The following DNAJC13 variants were observed in gnomAD, a reference collection of about 807,000 sequenced individuals.
DNAJC13 encodes the protein DnaJ heat shock protein family (Hsp40) member C13, also known as dnaJ homolog subfamily C member 13.
Under a neutral mutation model 290.5 loss-of-function variants are expected in DNAJC13, and 75 were observed. The ratio of observed to expected loss-of-function variants is 0.26; its 90% CI spans 0.21 to 0.31. The LOEUF is 0.31. DNAJC13 is among the 10% of genes least tolerant of loss of function. DNAJC13 has a pLI of 1.00. For synonymous variants in DNAJC13, 862 were observed against 892.0 expected (o/e 0.97, Z 0.60); for missense variants, 2,260 against 2,674.5 (o/e 0.85, Z 3.42).
At chr3:132,510,212 A>G (rs1395593746) in intron 43 of DNAJC13, among the ~76,000 whole-genome samples, 1 of 152,154 alleles carries the variant, frequency 6.6e-6, no homozygotes, top group Non-Finnish European at 1.5e-5. Flanking sequence ...ACCACCAGAC[A>G]CAAGGCTTCC....
chr3:132,452,690 T>C (rs980969813), intron 6 of DNAJC13, among the ~76,000 whole-genome samples: 1 of 152,214 alleles, frequency 6.6e-6, no homozygotes, highest in African/African-American at 2.4e-5. Flanking sequence ...TTTGGGATGC[T>C]CAACTGGTAA....
At chr3:132,442,092 T>C (rs768027687) in intron 2 of DNAJC13, among the ~76,000 whole-genome samples, 8 of 147,672 alleles carry the variant, frequency 5.4e-5, no homozygotes, top group Non-Finnish European at 1.2e-4. Context: ...TAAAATACCA[T>C]ATGTAAAAAA....
intron 25 of DNAJC13, among the ~76,000 whole-genome samples, chr3:132,480,140 T>G (rs1401679633): frequency 1.3e-5 from 2 of 152,186 alleles, no homozygotes; most frequent in African/African-American, 4.8e-5. Flanking sequence ...AAGTGATCTC[T>G]TTGTAATATA....
intron 21 of DNAJC13, chr3:132,474,231 G>GTT: frequency 6.7e-6 from 1 of 148,278 alleles, no homozygotes; most frequent in Non-Finnish European, 1.5e-5. Flanking sequence ...GAATTGTGGT[G>GTT]TTTTTTTTTG....
Position 132,471,354 on chromosome 3 carries a change from C to G in DNAJC13, c.2209-1791C>G, listed in dbSNP as rs577942373. Among the ~76,000 whole-genome samples, 34 of 144,862 alleles carry G rather than the reference C, an allele frequency of 2.3e-4. 1 individual carries two copies. The highest frequency in any genetic ancestry group is 5.5e-4 in the Admixed American group (8 of 14,636). On this transcript the variant is annotated intron_variant, in intron 20 of 55. Coordinates refer to ENST00000260818, the MANE Select transcript of DNAJC13 (RefSeq NM_015268.4). ...GCCGGGCGGGGGGTTGACCCCCCCC[C>G]ACCTCCCTCCCGGACGGGGTGGCTG... is the stretch of plus-strand genomic sequence containing the variant.
Position 132,461,106 on chromosome 3 carries a change from C to T in DNAJC13, c.1614C>T (p.Ala538=). The T allele has an allele frequency of 6.2e-7, 1 of 1,614,036 alleles. No individual in the cohort carries two copies. The highest frequency in any genetic ancestry group is 2.2e-5 in the East Asian group (1 of 44,868). The change falls in exon 15 of 56, where the codon GCC becomes GCT. Residue 538 remains alanine (A), a synonymous_variant. Coordinates refer to ENST00000260818, the MANE Select transcript of DNAJC13 (RefSeq NM_015268.4). ...CGCTCTTGGACTTCCTTACCTTTGC[C>T]CTCTGTGCTCCATATAGTGAGACAA... The part of the protein sequence containing the change: ...ISSLLDFLTF[A]LCAPYSETTE...
intron 55 of DNAJC13, chr3:132,537,293 GCCGCTC>G: frequency 2.2e-6 from 1 of 452,628 alleles, no homozygotes; most frequent in Non-Finnish European, 4.5e-6. Context: ...CTAAATGCAT[GCCGCTC>G]CCACTGCCTT....
At chr3:132,489,059 T>C in intron 31 of DNAJC13, 38 bp downstream of exon 31, 2 of 1,570,638 alleles carry the variant, frequency 1.3e-6, no homozygotes, top group South Asian at 1.1e-5. Flanking sequence ...TAACCCTGGG[T>C]AAGCTGTTTT....
intron 48 of DNAJC13, among the ~76,000 whole-genome samples, chr3:132,518,246 G>A (rs933748970): frequency 1.3e-5 from 2 of 152,190 alleles, no homozygotes; most frequent in African/African-American, 4.8e-5. Context: ...TGAAATACGT[G>A]AGGGACAAAT....
At position 132,480,449 on chromosome 3, in the gene DNAJC13, C is replaced by T; in HGVS notation, c.2853C>T (p.Ser951=). 6.2e-7 allele frequency: 1 copy of T among 1,612,812 alleles called. No individual in the cohort carries two copies. Among genetic ancestry groups the T allele is most frequent in the Non-Finnish European group, 8.5e-7 (1 of 1,179,060 alleles). ...TTACCCTTGCACATCTCCATGTAAG[C>T]CGAGCTACAGTACCACTGCAAGTAC... ...DLLTLAHLHV[S]RATVPLQSNV... The change falls in exon 26 of 56, where the codon AGC becomes AGT. Residue 951 remains serine, a synonymous_variant. Coordinates refer to ENST00000260818, the MANE Select transcript of DNAJC13 (RefSeq NM_015268.4).
chr3:132,484,804 C>T (rs762031159), intron 29 of DNAJC13, 132 bp downstream of exon 29: 4 of 782,414 alleles, frequency 5.1e-6, no homozygotes, highest in Non-Finnish European at 8.4e-6. Flanking sequence ...TGTGGAGTCT[C>T]ACACCTCCAA....
At position 132,468,783 on chromosome 3, in the gene DNAJC13, T is replaced by C. The variant is rs969957697; in HGVS notation, c.2208+1470T>C. On this transcript the variant is annotated intron_variant, in intron 20 of 55. Transcript: ENST00000260818. Reference sequence around the variant, plus strand: ...TGAACAGTTGAAAAATCTACAGATATGAATGATTTTCACAGTTATTAAAAA... The same window carrying C: ...TGAACAGTTGAAAAATCTACAGATACGAATGATTTTCACAGTTATTAAAAA... Among the ~76,000 whole-genome samples, 13 of 152,172 alleles carry C rather than the reference T, an allele frequency of 8.5e-5. 1 individual carries two copies. The highest frequency in any genetic ancestry group is 7.2e-4 in the Admixed American group (11 of 15,282).
intron 12 of DNAJC13, 68 bp from the exon 13 acceptor site, chr3:132,457,201 A>G (rs1576470696): frequency 8.8e-7 from 1 of 1,140,556 alleles, no homozygotes. Flanking sequence ...AATATGATCT[A>G]TTTCAATAAT....
At chr3:132,443,355 G>A (rs1407843037) in intron 2 of DNAJC13, among the ~76,000 whole-genome samples, 1 of 152,028 alleles carries the variant, frequency 6.6e-6, no homozygotes, top group African/African-American at 2.4e-5. Flanking sequence ...TTTTTGCCAT[G>A]TTGGCCAGGC....
chr3:132,453,148 T>C (rs1313465454), intron 6 of DNAJC13, 150 bp from the exon 7 acceptor site: 1 of 640,326 alleles, frequency 1.6e-6, no homozygotes, highest in East Asian at 2.9e-5. Flanking sequence ...AGTAATAGTC[T>C]TTTCATTGAA....
intron 53 of DNAJC13, among the ~76,000 whole-genome samples, chr3:132,527,923 C>T (rs189003658): frequency 1.3e-5 from 2 of 152,310 alleles, no homozygotes; most frequent in Non-Finnish European, 2.9e-5. Flanking sequence ...TATTTTAATA[C>T]TGCCCAGCTC....
At chr3:132,514,299 C>A (rs561131205) in intron 45 of DNAJC13, among the ~76,000 whole-genome samples, 12 of 152,188 alleles carry the variant, frequency 7.9e-5, no homozygotes, top group African/African-American at 2.9e-4. Context: ...TAATCACCAG[C>A]CCCTATCCAA....
At chr3:132,528,977 T>C (rs1056324650) in intron 54 of DNAJC13, among the ~76,000 whole-genome samples, 6 of 152,160 alleles carry the variant, frequency 3.9e-5, no homozygotes, top group African/African-American at 1.4e-4. Flanking sequence ...GAAATTTACA[T>C]AGCATAAAAT....
At position 132,488,441 on chromosome 3, in the gene DNAJC13, T is replaced by A; in HGVS notation, c.3411T>A (p.Leu1137=). 1 of 1,609,312 alleles carries A rather than the reference T, an allele frequency of 6.2e-7. No individual in the cohort carries two copies. ...FIMMYTGSNV[L]PVARFLKYTH... The stretch of plus-strand genomic sequence containing the variant: ...TGATGTACACAGGTTCCAATGTGCT[T>A]CCTGTTGCTCGGTAAGAACTTTAAG... The change falls in exon 30 of 56, where the codon CTT becomes CTA. Residue 1137 remains leucine (L), a synonymous_variant. Transcript: ENST00000260818.
Sources: allele counts gnomAD v4.1 joint callset (sites outside exome capture counted in the v4.1 genomes callset), GRCh38; gene constraint gnomAD v4.1.1; transcripts MANE v1.5; gene names NCBI Gene and HGNC (gene_info 2026-07-23, HGNC 2026-07-21).